GAPVD1: variants seen among roughly 807,000 people sequenced by gnomAD.
The protein encoded by GAPVD1 is GTPase-activating protein and VPS9 domain-containing protein 1.
A neutral mutation model predicts 155.5 loss-of-function variants in GAPVD1; 35 were observed. That is an observed-to-expected ratio of 0.23 (90% CI 0.17 to 0.30). The LOEUF is 0.30. GAPVD1 is among the 10% of genes least tolerant of loss of function. GAPVD1 has a pLI of 1.00. For missense variants in GAPVD1, 1,429 were observed against 1,775.7 expected (o/e 0.80, Z 3.51); for synonymous variants, 636 against 619.7 (o/e 1.03, Z -0.39).
At chr9:125,327,859 G>A (rs879396892) in intron 12 of GAPVD1, among the ~76,000 whole-genome samples, 17 of 152,112 alleles carry the variant, frequency 1.1e-4, no homozygotes, top group Non-Finnish European at 2.4e-4. Flanking sequence ...TGAACCCAGT[G>A]TACCCATCAC....
chr9:125,274,862 A>G (rs1344793362), intron 2 of GAPVD1, among the ~76,000 whole-genome samples: 2 of 152,190 alleles, frequency 1.3e-5, no homozygotes, highest in African/African-American at 2.4e-5. Context: ...ACTGAGTCAT[A>G]GAGAAGTAAA....
At chr9:125,268,252 G>A (rs1159430461) in intron 1 of GAPVD1, among the ~76,000 whole-genome samples, 2 of 141,572 alleles carry the variant, frequency 1.4e-5, no homozygotes, top group Non-Finnish European at 1.5e-5. Context: ...CTTAGCCACC[G>A]TCACAATGTT....
At chr9:125,296,949 C>T (rs771072158) in intron 3 of GAPVD1, among the ~76,000 whole-genome samples, 5 of 151,966 alleles carry the variant, frequency 3.3e-5, no homozygotes, top group Admixed American at 6.6e-5. Context: ...TGTGAGCCAC[C>T]GTGCCCAACC....
intron 1 of GAPVD1, chr9:125,263,671 G>T: frequency 3.3e-6 from 3 of 896,654 alleles, no homozygotes; most frequent in South Asian, 2.6e-5. Flanking sequence ...TTTCTTGTCG[G>T]CACTAAGTGG....
chr9:125,307,743 T>C lies in GAPVD1; in HGVS notation c.1304T>C (p.Met435Thr). ...GGAGATCAACTGAGAGAAGATAGAA[T>C]GGCTCTTGACAATTTATTGGCAAAC... The part of the protein sequence containing the change: ...MSGDQLREDR[M>T]ALDNLLANLP... Residue 435 changes from methionine (M) to threonine (T), a missense_variant, in exon 8 of 28, where the codon ATG (methionine) becomes ACG (threonine). By Grantham distance (81) the Met-to-Thr change is moderately conservative. Transcript: ENST00000297933. 1 of 1,614,104 alleles carries C rather than the reference T, an allele frequency of 6.2e-7. No homozygotes were observed. Among genetic ancestry groups the C allele is most frequent in the Non-Finnish European group, 8.5e-7 (1 of 1,179,960 alleles).
chr9:125,276,206 G>A lies in GAPVD1; in HGVS notation c.-150+7222G>A, dbSNP rs139755587. Among the ~76,000 whole-genome samples the A allele has an allele frequency of 8.2e-3, 1,242 of 152,184 alleles. 8 individuals carry two copies. The highest frequency in any genetic ancestry group is 0.02 in the Middle Eastern group (6 of 294). On this transcript the variant is annotated intron_variant, in intron 2 of 27. Coordinates refer to ENST00000297933, the MANE Select transcript of GAPVD1 (RefSeq NM_001282680.3). ...ATTCCTTGTACTTGTGCCAGGCAGC[G>A]TTAGTTGGTAGTAAGCCCATTCTTT...
chr9:125,296,358 G>GTTTTTTTTTTT (rs1554758517), intron 3 of GAPVD1, among the ~76,000 whole-genome samples: 1 of 121,758 alleles, frequency 8.2e-6, no homozygotes, highest in African/African-American at 3.6e-5. Context: ...TAGTTCTTAG[G>GTTTTTTTTTTT]TTTTTTTTTT....
In GAPVD1 at chr9:125,364,810, TTC is replaced by T. The variant is rs1168239460; in HGVS notation, c.*2066_*2067del. 1 of 152,648 alleles carries T rather than the reference TTC, an allele frequency of 6.6e-6. No individual in the cohort carries two copies. Among genetic ancestry groups the T allele is most frequent in the Non-Finnish European group, 1.5e-5 (1 of 68,050 alleles). The allele number at this position is 152,648 out of a possible 1,614,324, so 9.5% of individuals were successfully genotyped here. On this transcript the variant is annotated 3_prime_UTR_variant, in exon 28 of 28. Transcript: ENST00000297933. ...TACATCACGAGGCCAGCTGTGTGAT[TTC>T]TGAGACCTAGATGAGAGTCCATTTA... is the stretch of plus-strand genomic sequence containing the variant.
intron 5 of GAPVD1, among the ~76,000 whole-genome samples, chr9:125,303,111 G>A (rs555758516): frequency 3.7e-4 from 56 of 152,156 alleles, no homozygotes; most frequent in African/African-American, 1.2e-3. Context: ...TGCAACCTCC[G>A]CCTCCCGGGT....
chr9:125,360,468 G>A, intron 26 of GAPVD1, 60 bp from the exon 27 acceptor site: 1 of 1,350,388 alleles, frequency 7.4e-7, no homozygotes, highest in South Asian at 1.2e-5. Flanking sequence ...GGTTGCAGTA[G>A]TCACTGCGCA....
chr9:125,280,186 C>T (rs1010120700), intron 2 of GAPVD1, among the ~76,000 whole-genome samples: 2 of 151,280 alleles, frequency 1.3e-5, no homozygotes, highest in Non-Finnish European at 2.9e-5. Context: ...CACCTGAGGT[C>T]AGGAGTTCAA....
intron 1 of GAPVD1, among the ~76,000 whole-genome samples, chr9:125,262,838 T>C (rs560095219): frequency 6.6e-6 from 1 of 152,326 alleles, no homozygotes; most frequent in Admixed American, 6.5e-5. Flanking sequence ...CAGTTACGAA[T>C]GTGGACAACA....
chr9:125,275,080 A>C (rs1040218610), intron 2 of GAPVD1, among the ~76,000 whole-genome samples: 4 of 151,580 alleles, frequency 2.6e-5, no homozygotes, highest in African/African-American at 9.7e-5. Flanking sequence ...TTCAATTTTT[A>C]AATTAAAAAA....
intron 9 of GAPVD1, among the ~76,000 whole-genome samples, chr9:125,321,204 C>T (rs1183223139): frequency 6.6e-6 from 1 of 152,166 alleles, no homozygotes; most frequent in African/African-American, 2.4e-5. Context: ...GTCTGGTTGC[C>T]TGTTCTATCT....
chr9:125,297,888 G>T (rs985384252), intron 3 of GAPVD1, among the ~76,000 whole-genome samples: 1 of 152,084 alleles, frequency 6.6e-6, no homozygotes, highest in African/African-American at 2.4e-5. Flanking sequence ...TAGGACTACA[G>T]GTGTACACCA....
At chr9:125,293,870 A>ATTTTTATATATATATATAAATATATT (rs1380353826) in intron 2 of GAPVD1, among the ~76,000 whole-genome samples, 2 of 21,026 alleles carry the variant, frequency 9.5e-5, no homozygotes, top group African/African-American at 4.2e-4. Flanking sequence ...ATATATATAT[A>ATTTTTATATATATATATAAATATATT]TATATATATA....
At chr9:125,321,919 A>G (rs564074131) in intron 10 of GAPVD1, among the ~76,000 whole-genome samples, 24 of 152,338 alleles carry the variant, frequency 1.6e-4, no homozygotes, top group East Asian at 1.3e-3. Flanking sequence ...TAGTATTTCA[A>G]TATGTTGCAC....
intron 11 of GAPVD1, among the ~76,000 whole-genome samples, chr9:125,324,818 G>T (rs1844889035): frequency 6.6e-6 from 1 of 152,208 alleles, no homozygotes; most frequent in Non-Finnish European, 1.5e-5. Flanking sequence ...AAGGATATCA[G>T]TATTTTAGTA....
intron 17 of GAPVD1, among the ~76,000 whole-genome samples, chr9:125,338,068 G>A (rs1220176788): frequency 6.6e-6 from 1 of 152,164 alleles, no homozygotes; most frequent in Non-Finnish European, 1.5e-5. Flanking sequence ...TAGAGACGGG[G>A]TTTCACCATG....
Sources: gnomAD v4.1 joint callset for allele counts (sites outside exome capture counted in the v4.1 genomes callset) on GRCh38, gnomAD v4.1.1 for gene constraint, MANE v1.5 for transcripts, NCBI Gene and HGNC (gene_info 2026-07-23, HGNC 2026-07-21) for gene names.